The following PARN variants were observed in gnomAD, a reference collection of about 807,000 sequenced individuals.
PARN encodes the protein poly(A)-specific ribonuclease.
A neutral mutation model predicts 102.8 loss-of-function variants in PARN; 71 were observed. That is an observed-to-expected ratio of 0.69 (90% CI 0.57 to 0.84). PARN has a LOEUF of 0.84. PARN is among the 40% of genes least tolerant of loss of function. The pLI is 0.00. For synonymous variants in PARN, 261 were observed against 252.9 expected (o/e 1.03, Z -0.30); for missense variants, 782 against 760.9 (o/e 1.03, Z -0.33).
chr16:14,612,660 C>T lies in PARN; in HGVS notation c.389-1851G>A, dbSNP rs564747163. On this transcript the variant is annotated intron_variant, in intron 6 of 23. Coordinates refer to ENST00000437198, the MANE Select transcript of PARN (RefSeq NM_002582.4). Reference sequence around the variant, plus strand: ...TCACCCAGGCTGGAGTGCAATGGCACGATCTCGGCTCACTGCAACCGCCAC... The same window carrying T: ...TCACCCAGGCTGGAGTGCAATGGCATGATCTCGGCTCACTGCAACCGCCAC... 1.8e-3 allele frequency among the ~76,000 whole-genome samples: 267 copies of T among 151,920 alleles called. 1 individual carries two copies. Among genetic ancestry groups the T allele is most frequent in the Non-Finnish European group, 3.1e-3 (211 of 67,966 alleles).
chr16:14,590,491 C>G (rs1383010611), intron 13 of PARN, among the ~76,000 whole-genome samples: 2 of 151,404 alleles, frequency 1.3e-5, no homozygotes, highest in African/African-American at 4.9e-5. Flanking sequence ...AAAAATTACC[C>G]GGGCATGGTA....
intron 5 of PARN, among the ~76,000 whole-genome samples, chr16:14,618,269 C>T (rs1012833294): frequency 6.6e-6 from 1 of 152,042 alleles, no homozygotes; most frequent in African/African-American, 2.4e-5. Context: ...GGGTAGATCA[C>T]GAGGTCGGGA....
At chr16:14,533,734 C>CT (rs967657924) in intron 21 of PARN, among the ~76,000 whole-genome samples, 2 of 152,134 alleles carry the variant, frequency 1.3e-5, no homozygotes, top group African/African-American at 2.4e-5. Context: ...TGGTGACCCT[C>CT]TTCTGCATCT....
At chr16:14,583,329 G>C (rs1037367956) in intron 16 of PARN, among the ~76,000 whole-genome samples, 1 of 152,090 alleles carries the variant, frequency 6.6e-6, no homozygotes, top group Admixed American at 6.6e-5. Context: ...AGAATCAAAA[G>C]CATAAATGGA....
intron 12 of PARN, among the ~76,000 whole-genome samples, chr16:14,593,862 T>C (rs948039502): frequency 6.6e-6 from 1 of 151,902 alleles, no homozygotes; most frequent in African/African-American, 2.4e-5. Flanking sequence ...CCAGGTGCGG[T>C]GGTGCATGCC....
At chr16:14,622,492 T>C (rs1972372886) in intron 5 of PARN, among the ~76,000 whole-genome samples, 1 of 152,194 alleles carries the variant, frequency 6.6e-6, no homozygotes, top group South Asian at 2.1e-4. Flanking sequence ...TTGCATAAAA[T>C]GTGAAATTAG....
intron 18 of PARN, among the ~76,000 whole-genome samples, chr16:14,563,476 TTGTGTG>T (rs56099416): frequency 0.21 from 29,924 of 143,550 alleles, 4,226 homozygotes; most frequent in African/African-American, 0.38. Context: ...GAAAATTCCT[TTGTGTG>T]TGTGTGTGTG....
chr16:14,600,085 G>C (rs544390931), intron 11 of PARN, 125 bp from the exon 12 acceptor site: 58 of 524,728 alleles, frequency 1.1e-4, no homozygotes, highest in Non-Finnish European at 1.6e-4. Context: ...AGTTTCCTGT[G>C]CTTTGCGCCT....
Position 14,451,390 on chromosome 16 carries a change from G to A in PARN, c.1671-4309C>T, listed in dbSNP as rs114856145. On this transcript the variant is annotated intron_variant, in intron 22 of 23. Transcript: ENST00000437198. ...TTATAATAAACTGAAACTAGGAGCAGTGCATCAACAGGAGAATGGATAAAC... is the reference window on the plus strand; with the variant it reads ...TTATAATAAACTGAAACTAGGAGCAATGCATCAACAGGAGAATGGATAAAC... Among the ~76,000 whole-genome samples the A allele has an allele frequency of 1.9e-3, 285 of 152,288 alleles. 3 individuals carry two copies. The highest frequency in any genetic ancestry group is 6.6e-3 in the African/African-American group (276 of 41,548).
chr16:14,484,282 G>A lies in PARN; in HGVS notation c.1481-1455C>T, dbSNP rs527933821. ...CCCCTCTTCTGAGGCTGCTGTGGAT[G>A]GATCACGATGGCGGCATGGGAGTGA... On this transcript the variant is annotated intron_variant, in intron 21 of 23. Coordinates refer to ENST00000437198, the MANE Select transcript of PARN (RefSeq NM_002582.4). Among the ~76,000 whole-genome samples the A allele has an allele frequency of 3.3e-5, 5 of 152,294 alleles. No individual in the cohort carries two copies. In the South Asian group the frequency reaches 1.0e-3, roughly 32 times the overall value.
At chr16:14,623,873 C>T (rs749940848) in intron 5 of PARN, among the ~76,000 whole-genome samples, 53 of 151,798 alleles carry the variant, frequency 3.5e-4, no homozygotes, top group Non-Finnish European at 7.2e-4. Flanking sequence ...ATCTGTTACT[C>T]TACATACAGC....
chr16:14,478,365 A>C (rs1963188861), intron 22 of PARN, among the ~76,000 whole-genome samples: 1 of 152,194 alleles, frequency 6.6e-6, no homozygotes, highest in Non-Finnish European at 1.5e-5. Context: ...AGTTTTAAAG[A>C]CACAGAAAGA....
chr16:14,630,238 C>T lies in PARN; in HGVS notation c.-113G>A. 1 of 933,602 alleles carries T rather than the reference C, an allele frequency of 1.1e-6. No homozygotes were observed. The highest frequency in any genetic ancestry group is 1.7e-5 in the African/African-American group (1 of 58,312). 57.8% of individuals were successfully genotyped at this position (933,602 alleles called of 1,614,324 possible). A position where few individuals can be genotyped will look rare whatever the true frequency, so the allele number is the denominator to read the frequency against. ...GTAGCTGAGGCAGCCGCAGCGGTGA[C>T]GCCGGCCGCGACTTCCGGAAACAGC... On this transcript the variant is annotated 5_prime_UTR_variant, in exon 1 of 24. Coordinates refer to ENST00000437198, the MANE Select transcript of PARN (RefSeq NM_002582.4).
intron 6 of PARN, among the ~76,000 whole-genome samples, chr16:14,617,196 A>C (rs1971966605): frequency 6.6e-6 from 1 of 151,462 alleles, no homozygotes; most frequent in Non-Finnish European, 1.5e-5. Flanking sequence ...CATCCTGGCT[A>C]ACACGGTGAA....
chr16:14,574,704 C>A (rs918584352), intron 18 of PARN, among the ~76,000 whole-genome samples: 1 of 151,954 alleles, frequency 6.6e-6, no homozygotes, highest in African/African-American at 2.4e-5. Flanking sequence ...GAGAGTGAGA[C>A]CCCATCTCAA....
intron 6 of PARN, among the ~76,000 whole-genome samples, chr16:14,613,153 T>C (rs1971623120): frequency 6.6e-6 from 1 of 150,730 alleles, no homozygotes; most frequent in South Asian, 2.1e-4. Flanking sequence ...CTACTAAAAA[T>C]ACAAAATTAG....
At chr16:14,629,858 G>T (rs538781367) in intron 1 of PARN, among the ~76,000 whole-genome samples, 184 bp from the exon 2 acceptor site, 30 of 152,340 alleles carry the variant, frequency 2.0e-4, no homozygotes, top group Admixed American at 1.3e-3. Context: ...CAAGCCCCGG[G>T]GGGTGCCCGG....
At chr16:14,628,719 G>A (rs909345758) in intron 2 of PARN, among the ~76,000 whole-genome samples, 1 of 152,176 alleles carries the variant, frequency 6.6e-6, no homozygotes, top group African/African-American at 2.4e-5. Context: ...GCTTCCTAGG[G>A]AAGTGATTCC....
At chr16:14,613,682 T>C (rs997093280) in intron 6 of PARN, among the ~76,000 whole-genome samples, 4 of 152,010 alleles carry the variant, frequency 2.6e-5, no homozygotes, top group African/African-American at 7.2e-5. Context: ...ACAATGAACG[T>C]AGAAAACCAC....
Sources: allele counts gnomAD v4.1 joint callset (sites outside exome capture counted in the v4.1 genomes callset), GRCh38; gene constraint gnomAD v4.1.1; transcripts MANE v1.5; gene names NCBI Gene and HGNC (gene_info 2026-07-23, HGNC 2026-07-21).